CHST9: variants seen among roughly 807,000 people sequenced by gnomAD.
CHST9 encodes carbohydrate sulfotransferase 9.
CHST9 carries 41 observed loss-of-function variants against 44.4 expected under a neutral mutation model. The ratio of observed to expected loss-of-function variants is 0.92; its 90% confidence interval spans 0.72 to 1.20. The LOEUF is 1.20. Among genes scored for constraint, CHST9 ranks in the 50% most tolerant of loss-of-function variants. The probability of loss-of-function intolerance (pLI) is 0.00; values close to 1 mark genes in which losing one functional copy is unlikely to be tolerated. For missense variants in CHST9, 504 were observed against 516.5 expected, an observed-to-expected ratio of 0.98 and a Z score of 0.23; for synonymous variants, 171 against 178.4, an observed-to-expected ratio of 0.96 and a Z score of 0.33.
At chr18:27,165,860 A>G (rs959310836) in intron 1 of CHST9, among the ~76,000 whole-genome samples, 1 of 152,182 alleles carries the variant, frequency 6.6e-6, no homozygotes, top group Non-Finnish European at 1.5e-5. Context: ...ACCCACATCT[A>G]AGTGCTTACA....
intron 2 of CHST9, among the ~76,000 whole-genome samples, chr18:27,070,916 G>A (rs1481687448): frequency 6.6e-6 from 1 of 152,168 alleles, no homozygotes; most frequent in African/African-American, 2.4e-5. Flanking sequence ...GAGGATAAAA[G>A]GAGGGGACTA....
At chr18:27,004,395 C>T (rs1018647536) in intron 4 of CHST9, among the ~76,000 whole-genome samples, 53 of 151,382 alleles carry the variant, frequency 3.5e-4, no homozygotes, top group African/African-American at 1.1e-3. Flanking sequence ...TTTGTGCTTC[C>T]AGTGGTAAAA....
chr18:27,061,295 T>C (rs1187415723), intron 2 of CHST9, among the ~76,000 whole-genome samples: 1 of 152,220 alleles, frequency 6.6e-6, no homozygotes, highest in Non-Finnish European at 1.5e-5. Context: ...AAGTTTTTGG[T>C]TACTTGTAGC....
chr18:27,177,754 A>G (rs551042510), intron 1 of CHST9, among the ~76,000 whole-genome samples: 1 of 152,028 alleles, frequency 6.6e-6, no homozygotes, highest in Non-Finnish European at 1.5e-5. Flanking sequence ...GGAATGTGCC[A>G]TATCTGTTTA....
intron 1 of CHST9, among the ~76,000 whole-genome samples, chr18:27,146,503 C>T (rs919483479): frequency 2.0e-5 from 3 of 152,144 alleles, no homozygotes; most frequent in Admixed American, 1.3e-4. Context: ...ATTTGGAGAT[C>T]ATATATCTAT....
chr18:26,982,357 C>G (rs116805828), intron 4 of CHST9, among the ~76,000 whole-genome samples: 4,648 of 115,380 alleles, frequency 0.04, 203 homozygotes, highest in African/African-American at 0.14. Context: ...TTTTTTTTTG[C>G]CCTCTGCTTT....
At position 26,979,028 on chromosome 18, in the gene CHST9, A is replaced by AT. The variant is rs1175754219; in HGVS notation, c.203-34663dup. ...TTTTTTATTTATTTTATTTTATTTT[A>AT]TTTTTTTTAAAGATTGTGGCAGGTA... is the stretch of plus-strand genomic sequence containing the variant. On this transcript the variant is annotated intron_variant, in intron 4 of 5. Transcript: ENST00000618847. 4.0e-5 allele frequency among the ~76,000 whole-genome samples: 6 copies of AT among 151,180 alleles called. No homozygotes were observed. In the South Asian group the frequency reaches 6.2e-4, roughly 16 times the overall value.
chr18:27,019,185 C>G (rs1275033621), intron 4 of CHST9, among the ~76,000 whole-genome samples: 1 of 152,094 alleles, frequency 6.6e-6, no homozygotes, highest in Non-Finnish European at 1.5e-5. Context: ...GGACCCGTGC[C>G]CAGGAGAACA....
chr18:27,037,315 G>C (rs1043287118), intron 3 of CHST9, among the ~76,000 whole-genome samples: 6 of 152,134 alleles, frequency 3.9e-5, no homozygotes, highest in African/African-American at 1.4e-4. Flanking sequence ...TAATTTACTA[G>C]TGGAAAGGGT....
At chr18:27,053,282 G>GAAGGAGAAGGAC (rs2057608018) in intron 2 of CHST9, among the ~76,000 whole-genome samples, 12 of 134,310 alleles carry the variant, frequency 8.9e-5, no homozygotes, top group African/African-American at 2.3e-4. Flanking sequence ...AGGAGAAGGA[G>GAAGGAGAAGGAC]AAGGAGAAGG....
chr18:27,169,896 T>C (rs965090394), intron 1 of CHST9, among the ~76,000 whole-genome samples: 1 of 152,116 alleles, frequency 6.6e-6, no homozygotes, highest in Non-Finnish European at 1.5e-5. Context: ...CGTGAGCCAC[T>C]GCGCCTGGCC....
chr18:27,092,308 G>A (rs142284344), intron 2 of CHST9, among the ~76,000 whole-genome samples: 67,813 of 151,788 alleles, frequency 0.45, 15,819 homozygotes, highest in East Asian at 0.65. Context: ...ATGATTTTTT[G>A]TTGCATCTAT....
chr18:27,161,180 C>T (rs2058744062), intron 1 of CHST9, among the ~76,000 whole-genome samples: 1 of 152,084 alleles, frequency 6.6e-6, no homozygotes, highest in South Asian at 2.1e-4. Context: ...TCTTGCTTCT[C>T]TAGTTCTTTT....
chr18:27,109,400 T>G (rs1157809031), intron 2 of CHST9, among the ~76,000 whole-genome samples: 1 of 152,218 alleles, frequency 6.6e-6, no homozygotes, highest in Non-Finnish European at 1.5e-5. Context: ...TTGGGTTATT[T>G]TAAATTGTGC....
At chr18:26,998,739 C>CAAAAAAAAAAAAAAAAAAAA (rs11480705) in intron 4 of CHST9, among the ~76,000 whole-genome samples, 2 of 114,112 alleles carry the variant, frequency 1.8e-5, no homozygotes, top group Non-Finnish European at 3.7e-5. Flanking sequence ...ACAACAACAA[C>CAAAAAAAAAAAAAAAAAAAA]AAAAAAAAAA....
At chr18:27,160,992 C>A (rs1210373122) in intron 1 of CHST9, among the ~76,000 whole-genome samples, 1 of 151,362 alleles carries the variant, frequency 6.6e-6, no homozygotes, top group Admixed American at 6.6e-5. Flanking sequence ...CTATTGGATT[C>A]TTCTCTCTTT....
At chr18:27,059,738 T>C (rs890675741) in intron 2 of CHST9, among the ~76,000 whole-genome samples, 11 of 152,226 alleles carry the variant, frequency 7.2e-5, no homozygotes, top group African/African-American at 2.7e-4. Flanking sequence ...AGCTTTATTT[T>C]CTTCTTTGAG....
intron 2 of CHST9, among the ~76,000 whole-genome samples, chr18:27,061,697 A>G (rs544197331): frequency 3.3e-5 from 5 of 152,148 alleles, no homozygotes; most frequent in Non-Finnish European, 5.9e-5. Context: ...GTGTGTATCA[A>G]TGGCCCCAGT....
chr18:27,022,709 TCTTTA>T (rs1454743182), intron 4 of CHST9, among the ~76,000 whole-genome samples: 8 of 152,204 alleles, frequency 5.3e-5, no homozygotes, highest in African/African-American at 1.9e-4. Flanking sequence ...TTCCATTCAT[TCTTTA>T]AAGAATCAGT....
Sources: gnomAD v4.1 joint callset for allele counts (sites outside exome capture counted in the v4.1 genomes callset) on GRCh38, gnomAD v4.1.1 for gene constraint, MANE v1.5 for transcripts, NCBI Gene and HGNC (gene_info 2026-07-23, HGNC 2026-07-21) for gene names.